The following TPO variants were observed in gnomAD, a reference collection of about 807,000 sequenced individuals.
The protein encoded by TPO is thyroid peroxidase, also known as thyroid microsomal antigen.
TPO carries 78 observed loss-of-function variants against 96.9 expected under a neutral mutation model. The observed-to-expected ratio is 0.81, with a 90% CI of 0.67 to 0.97. The LOEUF (loss-of-function observed/expected upper bound fraction) is 0.97, where lower values mean the gene tolerates loss of function less well. Ranked by LOEUF, TPO falls within the 50% of genes least tolerant of loss-of-function variation. TPO has a pLI of 0.00. For missense variants in TPO, 1,252 were observed against 1,274.8 expected, an observed-to-expected ratio of 0.98 and a Z score of 0.27; for synonymous variants, 547 against 538.0, an observed-to-expected ratio of 1.02 and a Z score of -0.23.
At chr2:1,403,557 G>A (rs577031459) in intron 1 of TPO, among the ~76,000 whole-genome samples, 17 of 152,296 alleles carry the variant, frequency 1.1e-4, no homozygotes, top group East Asian at 3.9e-4. Flanking sequence ...GCCATGCACC[G>A]TGGGTGGGGG....
At chr2:1,387,627 G>C (rs181590371) in intron 1 of TPO, among the ~76,000 whole-genome samples, 67 of 152,214 alleles carry the variant, frequency 4.4e-4, no homozygotes, top group African/African-American at 1.5e-3. Context: ...CTTTTTTCAA[G>C]GTTTTTAACT....
intron 15 of TPO, among the ~76,000 whole-genome samples, chr2:1,539,255 C>T (rs1680444425): frequency 6.6e-6 from 1 of 152,198 alleles, no homozygotes; most frequent in South Asian, 2.1e-4. Context: ...TTAATAGAAG[C>T]TGGCATTGGT....
In TPO at chr2:1,414,241, C is replaced by T. The variant is rs559592191; in HGVS notation, c.-1-167C>T. 476 of 674,626 alleles carry T rather than the reference C, an allele frequency of 7.1e-4. 1 individual carries two copies. Among genetic ancestry groups the T allele is most frequent in the Middle Eastern group, 1.2e-3 (3 of 2,528 alleles). The allele number at this position is 674,626 out of a possible 1,614,324, so 41.8% of individuals were successfully genotyped here. ...AGTTTCTGTAACCTCCTGACATGGACGGCGACTCTGGTCTCGCAGACCCCA... is the reference window on the plus strand; with the variant it reads ...AGTTTCTGTAACCTCCTGACATGGATGGCGACTCTGGTCTCGCAGACCCCA... On this transcript the variant is annotated intron_variant, in intron 1 of 16. Transcript: ENST00000329066.
intron 13 of TPO, among the ~76,000 whole-genome samples, chr2:1,497,018 G>A (rs1035278701): frequency 1.3e-5 from 2 of 152,170 alleles, no homozygotes; most frequent in African/African-American, 4.8e-5. Flanking sequence ...TGAGGGAAGA[G>A]AGAGGGGAGT....
rs1203538496 is a variant in TPO at position 1,438,837 on chromosome 2, C to T, written c.482+2453C>T. 5 of 716,014 alleles carry T rather than the reference C, an allele frequency of 7.0e-6. No homozygotes were observed. In the East Asian group the frequency reaches 1.3e-4, roughly 19 times the overall value. 44.4% of individuals were successfully genotyped at this position (716,014 alleles called of 1,614,324 possible). A position where few individuals can be genotyped will look rare whatever the true frequency, so the allele number is the denominator to read the frequency against. ...AAAGAAAAATGAAATATAAGCCCGA[C>T]CATTCCGAAACTGCCAACTAACCTG... On this transcript the variant is annotated intron_variant, in intron 5 of 16. Transcript: ENST00000329066.
intron 7 of TPO, among the ~76,000 whole-genome samples, chr2:1,457,921 C>T (rs999168938): frequency 1.5e-4 from 22 of 150,174 alleles, no homozygotes; most frequent in Admixed American, 3.3e-4. Flanking sequence ...TGTGTGGGCA[C>T]GTGTGTATAT....
At chr2:1,478,480 C>T (rs971394589) in intron 8 of TPO, among the ~76,000 whole-genome samples, 10 of 152,204 alleles carry the variant, frequency 6.6e-5, no homozygotes, top group African/African-American at 2.2e-4. Flanking sequence ...TGTGTGGCAC[C>T]GGCTGCCCCC....
chr2:1,528,413 C>T lies in TPO; in HGVS notation c.2618+11431C>T, dbSNP rs4927628. ...CTGTGTGCAACCTCCTCAAATCACC[C>T]GGTGTGCAACCTGCTCAAATCCCCC... is the stretch of plus-strand genomic sequence containing the variant. On this transcript the variant is annotated intron_variant, in intron 15 of 16. Coordinates refer to ENST00000329066, the MANE Select transcript of TPO (RefSeq NM_001206744.2). Among the ~76,000 whole-genome samples, 77 of 137,122 alleles carry T rather than the reference C, an allele frequency of 5.6e-4. 1 individual carries two copies. The highest frequency in any genetic ancestry group is 2.1e-3 in the African/African-American group (77 of 35,834). 90.0% of individuals were successfully genotyped at this position (137,122 alleles called of 152,430 possible).
rs139894364 is a variant in TPO at position 1,543,019 on chromosome 2, CCTCCAGAGATT to C, written c.*547_*557del. ...AACAAGGCAAAGTGACTTGTCTCAT[CCTCCAGAGATT>C]CACCAACACATGAGCCTCAGACCCC... On this transcript the variant is annotated 3_prime_UTR_variant, in exon 17 of 17. Coordinates refer to ENST00000329066, the MANE Select transcript of TPO (RefSeq NM_001206744.2). 0.012 allele frequency: 2,496 copies of C among 204,264 alleles called. 61 individuals carry two copies. Among genetic ancestry groups the C allele is most frequent in the African/African-American group, 0.053 (2,291 of 43,158 alleles). The allele number at this position is 204,264 out of a possible 1,614,324, so 12.7% of individuals were successfully genotyped here.
chr2:1,382,736 T>A (rs1010782824), intron 1 of TPO, among the ~76,000 whole-genome samples: 5 of 152,208 alleles, frequency 3.3e-5, no homozygotes, highest in East Asian at 1.9e-4. Context: ...ATATATATAT[T>A]TTTTATTATA....
intron 5 of TPO, among the ~76,000 whole-genome samples, chr2:1,445,899 G>A (rs75214544): frequency 0.06 from 9,121 of 151,636 alleles, 388 homozygotes; most frequent in Middle Eastern, 0.13. Context: ...AGGGAATGGG[G>A]CAGGCTCCTT....
intron 13 of TPO, among the ~76,000 whole-genome samples, chr2:1,502,025 T>A (rs1429650050): frequency 1.3e-5 from 2 of 152,088 alleles, no homozygotes; most frequent in East Asian, 3.9e-4. Context: ...CAGGGATGTG[T>A]TGGCAGCTGC....
At chr2:1,508,094 AG>A (rs1220678198) in intron 14 of TPO, among the ~76,000 whole-genome samples, 8 of 152,140 alleles carry the variant, frequency 5.3e-5, no homozygotes, top group Admixed American at 2.6e-4. Context: ...TTTAGCATGA[AG>A]GGTTGTTGAA....
intron 7 of TPO, among the ~76,000 whole-genome samples, chr2:1,471,362 A>G (rs755097996): frequency 1.3e-5 from 2 of 151,926 alleles, no homozygotes; most frequent in Non-Finnish European, 2.9e-5. Context: ...TCACCCTCTT[A>G]TGCTGAAAGC....
In TPO at chr2:1,453,624, A is replaced by G. The variant is rs1667514734; in HGVS notation, c.483-70A>G. On this transcript the variant is annotated intron_variant, in intron 5 of 16. Transcript: ENST00000329066. ...TTATTCTCCCTGAGAATGGTGTCTT[A>G]TATCTGGAACTCACTGCTTCTGTGT... 7.4e-6 allele frequency: 12 copies of G among 1,611,010 alleles called. 1 individual carries two copies. In the South Asian group the frequency reaches 1.1e-4, roughly 15 times the overall value.
At chr2:1,495,731 T>C (rs1046478483) in intron 11 of TPO, among the ~76,000 whole-genome samples, 4 of 152,072 alleles carry the variant, frequency 2.6e-5, no homozygotes, top group Non-Finnish European at 4.4e-5. Context: ...CTCAGGGGTC[T>C]GGGCAGACGC....
chr2:1,528,833 TACTGTGTGCAACCTCCTCAAATCCCCC>T (rs1414296335), intron 15 of TPO, among the ~76,000 whole-genome samples: 6 of 35,460 alleles, frequency 1.7e-4, no homozygotes, highest in South Asian at 1.5e-3. Flanking sequence ...CAAATCCTCC[TACTGTGTGCAACCTCCTCAAATCCCCC>T]ACTGTGTGCA....
intron 14 of TPO, among the ~76,000 whole-genome samples, chr2:1,515,113 G>T (rs1342845019): frequency 1.3e-5 from 2 of 152,164 alleles, no homozygotes; most frequent in Non-Finnish European, 2.9e-5. Flanking sequence ...TGTCCTGACT[G>T]CCCTGACCTG....
chr2:1,468,492 T>C (rs986692519), intron 7 of TPO, among the ~76,000 whole-genome samples: 6 of 152,336 alleles, frequency 3.9e-5, no homozygotes, highest in African/African-American at 1.2e-4. Context: ...TACCACATTT[T>C]TGGTGGATAA....
Sources: allele counts gnomAD v4.1 joint callset (sites outside exome capture counted in the v4.1 genomes callset), GRCh38; gene constraint gnomAD v4.1.1; transcripts MANE v1.5; gene names NCBI Gene and HGNC (gene_info 2026-07-23, HGNC 2026-07-21).